The following CDH11 variants were observed in gnomAD, a reference collection of about 807,000 sequenced individuals.
CDH11 encodes cadherin 11.
A neutral mutation model predicts 67.8 loss-of-function variants in CDH11; 11 were observed. The observed-to-expected ratio is 0.16, with a 90% confidence interval of 0.10 to 0.27. The LOEUF (loss-of-function observed/expected upper bound fraction) is 0.27. CDH11 is among the 10% of genes least tolerant of loss of function. The pLI, the probability that CDH11 is intolerant of heterozygous loss-of-function variation, is 1.00. For synonymous variants in CDH11, 419 were observed against 400.0 expected, an observed-to-expected ratio of 1.05 and a Z score of -0.57; for missense variants, 847 against 1,031.2, an observed-to-expected ratio of 0.82 and a Z score of 2.45.
At chr16:65,108,396 A>G (rs1374625460) in intron 1 of CDH11, among the ~76,000 whole-genome samples, 1 of 152,174 alleles carries the variant, frequency 6.6e-6, no homozygotes, top group Non-Finnish European at 1.5e-5. Context: ...CTAAATTGCA[A>G]TTTTTACTCT....
At chr16:64,963,019 C>A (rs2071715104) in intron 11 of CDH11, among the ~76,000 whole-genome samples, 1 of 152,068 alleles carries the variant, frequency 6.6e-6, no homozygotes, top group East Asian at 1.9e-4. Flanking sequence ...TCCTGTTACC[C>A]ACAACACCAT....
At chr16:64,992,289 A>G (rs1232302124) in intron 5 of CDH11, among the ~76,000 whole-genome samples, 1 of 152,230 alleles carries the variant, frequency 6.6e-6, no homozygotes, top group Non-Finnish European at 1.5e-5. Flanking sequence ...ATCTTCTGTA[A>G]GTCTATTGCT....
Position 64,974,047 on chromosome 16 carries a change from G to A in CDH11, c.1254-1007C>T, listed in dbSNP as rs146756186. 4.1e-3 allele frequency among the ~76,000 whole-genome samples: 617 copies of A among 152,058 alleles called. 4 individuals are homozygous for A. Among genetic ancestry groups the A allele is most frequent in the African/African-American group, 0.014 (576 of 41,476 alleles). The stretch of plus-strand genomic sequence containing the variant: ...ACTAAGTTAACTTTTTACTAATAAC[G>A]GATAAAAAAACCACATAATATTATT... On this transcript the variant is annotated intron_variant, in intron 8 of 12. Coordinates refer to ENST00000268603, the MANE Select transcript of CDH11 (RefSeq NM_001797.4).
intron 11 of CDH11, among the ~76,000 whole-genome samples, chr16:64,964,362 T>C (rs1208569455): frequency 2.6e-5 from 4 of 152,112 alleles, no homozygotes; most frequent in Non-Finnish European, 5.9e-5. Context: ...GGAGCAAATA[T>C]TTGTGTGTTG....
intron 12 of CDH11, 127 bp downstream of exon 12, chr16:64,950,640 T>G: frequency 8.4e-7 from 1 of 1,188,638 alleles, no homozygotes; most frequent in Non-Finnish European, 1.1e-6. Flanking sequence ...CCCCACTTCT[T>G]TTCTTGAACT....
chr16:65,052,515 G>A (rs1254660702), intron 2 of CDH11, among the ~76,000 whole-genome samples: 3 of 152,138 alleles, frequency 2.0e-5, no homozygotes, highest in Non-Finnish European at 4.4e-5. Flanking sequence ...GGAGGTCCTA[G>A]AGTGGATGTA....
intron 2 of CDH11, among the ~76,000 whole-genome samples, chr16:65,027,524 TC>T (rs1463658431): frequency 6.6e-6 from 1 of 152,206 alleles, no homozygotes; most frequent in Non-Finnish European, 1.5e-5. Flanking sequence ...TAAAGGAAAG[TC>T]CCTTTGAACC....
intron 4 of CDH11, among the ~76,000 whole-genome samples, chr16:64,997,118 T>G (rs574106505): frequency 7.2e-4 from 109 of 151,862 alleles, no homozygotes; most frequent in Non-Finnish European, 1.4e-3. Flanking sequence ...GAACAACATG[T>G]GAAACCCCGT....
chr16:65,112,990 T>C (rs2075184917), intron 1 of CDH11, among the ~76,000 whole-genome samples: 1 of 152,154 alleles, frequency 6.6e-6, no homozygotes, highest in Non-Finnish European at 1.5e-5. Flanking sequence ...AAATAATCAA[T>C]TAAAAAATGA....
chr16:64,950,617 C>T lies in CDH11; in HGVS notation c.1894+150G>A, dbSNP rs2071331681. 23 of 831,732 alleles carry T rather than the reference C, an allele frequency of 2.8e-5. 1 individual carries two copies. In the South Asian group the frequency reaches 4.5e-4, roughly 16 times the overall value. The allele number at this position is 831,732 out of a possible 1,614,324, so 51.5% of individuals were successfully genotyped here. A position where few individuals can be genotyped will look rare whatever the true frequency, so the allele number is the denominator to read the frequency against. ...CCCCACCTCGCCCCCACAACGCCCACCCCGCCCCCGTACCCCACTTCTTTT... is the reference window on the plus strand; with the variant it reads ...CCCCACCTCGCCCCCACAACGCCCATCCCGCCCCCGTACCCCACTTCTTTT... On this transcript the variant is annotated intron_variant, in intron 12 of 12. Transcript: ENST00000268603.
chr16:65,047,498 C>T (rs575945310), intron 2 of CDH11, among the ~76,000 whole-genome samples: 32 of 151,884 alleles, frequency 2.1e-4, no homozygotes, highest in African/African-American at 6.5e-4. Context: ...ACTACAGGCA[C>T]GCACCACCAT....
Sources: gnomAD v4.1 joint callset for allele counts (sites outside exome capture counted in the v4.1 genomes callset) on GRCh38, gnomAD v4.1.1 for gene constraint, MANE v1.5 for transcripts, NCBI Gene and HGNC (gene_info 2026-07-23, HGNC 2026-07-21) for gene names.